Variants in DNAH11 observed in about 807,000 individuals in gnomAD.
The protein encoded by DNAH11 is dynein axonemal heavy chain 11.
In DNAH11, 442 loss-of-function variants were observed where a neutral mutation model predicts 526.0. The observed-to-expected ratio is 0.84, with a 90% confidence interval of 0.78 to 0.91. DNAH11 has a LOEUF of 0.91. Ranked by LOEUF, DNAH11 falls within the 40% of genes least tolerant of loss-of-function variation. DNAH11 has a pLI of 0.00. For synonymous variants in DNAH11, 2,461 were observed against 1,935.9 expected (o/e 1.27, Z -7.12); for missense variants, 6,989 against 5,448.7 (o/e 1.28, Z -8.90).
intron 51 of DNAH11, 21 bp downstream of exon 51, chr7:21,745,084 G>A (rs1382624866): frequency 1.3e-6 from 2 of 1,587,318 alleles, no homozygotes; most frequent in Non-Finnish European, 1.7e-6. Flanking sequence ...TAGTCACGAT[G>A]CTTTTCCACA....
At chr7:21,668,474 A>G (rs1162112884) in intron 30 of DNAH11, among the ~76,000 whole-genome samples, 1 of 152,076 alleles carries the variant, frequency 6.6e-6, no homozygotes, top group Admixed American at 6.6e-5. Context: ...GAAAGTTTGT[A>G]CTCAGTGCTA....
intron 74 of DNAH11, among the ~76,000 whole-genome samples, chr7:21,874,677 G>T (rs112966383): frequency 1.3e-5 from 2 of 151,304 alleles, no homozygotes; most frequent in Non-Finnish European, 2.9e-5. Context: ...AAATACATAC[G>T]TATATATACA....
chr7:21,644,715 G>T (rs1278732395), intron 28 of DNAH11, among the ~76,000 whole-genome samples: 2 of 152,206 alleles, frequency 1.3e-5, no homozygotes, highest in Non-Finnish European at 2.9e-5. Context: ...GCTCATGAAA[G>T]TGTAGTCTGT....
intron 25 of DNAH11, among the ~76,000 whole-genome samples, chr7:21,634,885 T>C (rs73072271): frequency 0.097 from 14,760 of 152,238 alleles, 767 homozygotes; most frequent in South Asian, 0.17. Flanking sequence ...AGATATGTAA[T>C]GCTGTGTGAT....
chr7:21,587,174 A>C (rs1362311105), intron 9 of DNAH11, among the ~76,000 whole-genome samples: 1 of 152,228 alleles, frequency 6.6e-6, no homozygotes, highest in Non-Finnish European at 1.5e-5. Context: ...ATTGGGTAGT[A>C]AACAAGACAA....
intron 30 of DNAH11, among the ~76,000 whole-genome samples, chr7:21,681,232 G>A (rs1783121918): frequency 6.6e-6 from 1 of 152,018 alleles, no homozygotes; most frequent in Non-Finnish European, 1.5e-5. Context: ...TTTGAGACCA[G>A]CCTGACCAAA....
chr7:21,840,345 T>C (rs184856007), intron 65 of DNAH11, among the ~76,000 whole-genome samples: 158 of 152,366 alleles, frequency 1.0e-3, no homozygotes, highest in African/African-American at 3.6e-3. Flanking sequence ...CTCATGGCTA[T>C]TTAAAATAAT....
intron 36 of DNAH11, among the ~76,000 whole-genome samples, chr7:21,701,762 A>G (rs1005203524): frequency 6.6e-6 from 1 of 152,220 alleles, no homozygotes; most frequent in Non-Finnish European, 1.5e-5. Flanking sequence ...TTGTACTCAT[A>G]TTAATTCACT....
rs984280100 is a variant in DNAH11 at position 21,669,973 on chromosome 7, C to G, written c.5328+10942C>G. 5.3e-5 allele frequency among the ~76,000 whole-genome samples: 8 copies of G among 152,128 alleles called. No homozygotes were observed. In the South Asian group the frequency reaches 1.5e-3, roughly 28 times the overall value. ...TTAAAGTCATTTTATATATACCTTCCAACTTTGTTCATTATTTTCCCCAAG... is the reference window on the plus strand; with the variant it reads ...TTAAAGTCATTTTATATATACCTTCGAACTTTGTTCATTATTTTCCCCAAG... On this transcript the variant is annotated intron_variant, in intron 30 of 81. Coordinates refer to ENST00000409508, the MANE Select transcript of DNAH11 (RefSeq NM_001277115.2).
At chr7:21,595,300 C>T (rs1784823478) in intron 14 of DNAH11, among the ~76,000 whole-genome samples, 1 of 152,200 alleles carries the variant, frequency 6.6e-6, no homozygotes, top group South Asian at 2.1e-4. Flanking sequence ...TCCTAAACCC[C>T]TCCTCATAAT....
intron 69 of DNAH11, among the ~76,000 whole-genome samples, chr7:21,862,941 G>C (rs1783121188): frequency 6.6e-6 from 1 of 152,014 alleles, no homozygotes; most frequent in African/African-American, 2.4e-5. Context: ...GCAGGCACCT[G>C]TAGTCCCAGC....
chr7:21,787,934 C>T (rs1253473508), intron 60 of DNAH11, among the ~76,000 whole-genome samples: 2 of 152,078 alleles, frequency 1.3e-5, no homozygotes, highest in Non-Finnish European at 2.9e-5. Context: ...TGAAATGTAG[C>T]GCCTGCTCTC....
At chr7:21,688,447 C>T (rs1246968373) in intron 34 of DNAH11, among the ~76,000 whole-genome samples, 2 of 152,190 alleles carry the variant, frequency 1.3e-5, no homozygotes, top group Admixed American at 6.5e-5. Flanking sequence ...GATTTACTTT[C>T]TCTATATTTT....
rs376571975 is a variant in DNAH11, at chr7:21,617,670, C to T, written c.4147C>T (p.Leu1383=). Residue 1383 remains leucine (L), a synonymous_variant, in exon 23 of 82, where the codon CTG becomes TTG. Transcript: ENST00000409508. ...CCGCGTCTGGGATGCTTACACGGGC[C>T]TGGAAGGCACAGTTAAGGACATGAC... is the stretch of plus-strand genomic sequence containing the variant. ...EVRVWDAYTG[L]EGTVKDMTAS... 30 of 1,613,730 alleles carry T rather than the reference C, an allele frequency of 1.9e-5. No individual in the cohort carries two copies. Among genetic ancestry groups the T allele is most frequent in the Non-Finnish European group, 2.4e-5 (28 of 1,179,834 alleles).
At chr7:21,569,933 G>C (rs994056090) in intron 6 of DNAH11, 136 bp from the exon 7 acceptor site, 1 of 661,790 alleles carries the variant, frequency 1.5e-6, no homozygotes, top group African/African-American at 1.8e-5. Context: ...TCTAGAACTT[G>C]TGCTTTCTTT....
In DNAH11 at chr7:21,860,740, G is replaced by C. The variant is rs77719715; in HGVS notation, c.11203-1113G>C. On this transcript the variant is annotated intron_variant, in intron 68 of 81. Coordinates refer to ENST00000409508, the MANE Select transcript of DNAH11 (RefSeq NM_001277115.2). The stretch of plus-strand genomic sequence containing the variant: ...ATGAGTGTATTAGTCTGTTTTCACA[G>C]TGCTGATAAAGACATACCCAAGAGA... 3.2e-3 allele frequency among the ~76,000 whole-genome samples: 489 copies of C among 152,296 alleles called. 1 individual carries two copies. The highest frequency in any genetic ancestry group is 5.5e-3 in the Non-Finnish European group (371 of 68,028).
At position 21,705,560 on chromosome 7, in the gene DNAH11, T is replaced by A. The variant is rs764181589; in HGVS notation, c.6546+23T>A. 3.7e-5 allele frequency: 59 copies of A among 1,607,540 alleles called. No individual in the cohort carries two copies. In the Admixed American group the frequency reaches 9.7e-4, roughly 26 times the overall value. On this transcript the variant is annotated intron_variant, in intron 39 of 81. Transcript: ENST00000409508. ...AAGGTATAGTAAATTGCCTAATAGCTTACAGCTATGGAAAGAACATTTGTT... is the reference window on the plus strand; with the variant it reads ...AAGGTATAGTAAATTGCCTAATAGCATACAGCTATGGAAAGAACATTTGTT...
intron 61 of DNAH11, among the ~76,000 whole-genome samples, chr7:21,793,527 A>C (rs1274227265): frequency 6.6e-6 from 1 of 151,890 alleles, no homozygotes; most frequent in Non-Finnish European, 1.5e-5. Context: ...GAGGCAGGGG[A>C]ATCACTTGAA....
intron 20 of DNAH11, among the ~76,000 whole-genome samples, chr7:21,614,259 A>G (rs66472379): frequency 0.18 from 27,721 of 152,214 alleles, 3,202 homozygotes; most frequent in East Asian, 0.54. Flanking sequence ...AGAAAGTGGA[A>G]AAACAAAGTC....
Sources: gnomAD v4.1 joint callset for allele counts (sites outside exome capture counted in the v4.1 genomes callset) on GRCh38, gnomAD v4.1.1 for gene constraint, MANE v1.5 for transcripts, NCBI Gene and HGNC (gene_info 2026-07-23, HGNC 2026-07-21) for gene names.